Variants in ATP11C observed in about 807,000 individuals in gnomAD.
The protein encoded by ATP11C is phospholipid-transporting ATPase IG.
ATP11C carries 36 observed loss-of-function variants against 97.4 expected under a neutral mutation model. The ratio of observed to expected loss-of-function variants is 0.37; its 90% CI spans 0.28 to 0.49. The LOEUF (loss-of-function observed/expected upper bound fraction) is 0.49, where lower values mean the gene tolerates loss of function less well. Ranked by LOEUF, ATP11C falls within the 20% of genes least tolerant of loss-of-function variation. The pLI, the probability that ATP11C is intolerant of heterozygous loss-of-function variation, is 0.98. For missense variants in ATP11C, 730 were observed against 824.6 expected (o/e 0.89, Z 1.40); for synonymous variants, 275 against 290.9 (o/e 0.95, Z 0.56).
chrX:139,750,180 A>C, intron 23 of ATP11C, 28 bp from the exon 24 acceptor site: 1 of 1,145,661 alleles, frequency 8.7e-7, no homozygotes. Flanking sequence ...AGAGGAAAGA[A>C]AGAAATTTCA....
At chrX:139,931,593 C>G (rs944562257) in intron 1 of ATP11C, among the ~76,000 whole-genome samples, 1 of 112,324 alleles carries the variant, frequency 8.9e-6, no homozygotes, top group Non-Finnish European at 1.9e-5. Flanking sequence ...TTTGGGCCAC[C>G]GTGACAGGTC....
At chrX:139,878,868 G>A (rs867641379) in intron 1 of ATP11C, among the ~76,000 whole-genome samples, 6 of 109,470 alleles carry the variant, frequency 5.5e-5, no homozygotes, top group South Asian at 4.1e-4. Flanking sequence ...AGCGTGGTAC[G>A]GACAGAGACT....
chrX:139,753,964 T>C (rs1240033475), intron 23 of ATP11C, among the ~76,000 whole-genome samples: 2 of 109,096 alleles, frequency 1.8e-5, no homozygotes, highest in Non-Finnish European at 1.9e-5. Flanking sequence ...AAACAAGAAA[T>C]AACCCAAATC....
chrX:139,750,537 C>T (rs1204639626), intron 23 of ATP11C, among the ~76,000 whole-genome samples: 1 of 111,816 alleles, frequency 8.9e-6, no homozygotes, highest in Non-Finnish European at 1.9e-5. Context: ...CAGGCAGCAG[C>T]CAGCCTGTGT....
At chrX:139,844,212 G>C (rs933015925) in intron 1 of ATP11C, among the ~76,000 whole-genome samples, 4 of 111,893 alleles carry the variant, frequency 3.6e-5, no homozygotes, top group African/African-American at 1.3e-4. Context: ...CTTCATTCAA[G>C]ACTTCAATAA....
chrX:139,754,881 C>T (rs1248578729), intron 23 of ATP11C, among the ~76,000 whole-genome samples: 1 of 112,025 alleles, frequency 8.9e-6, no homozygotes. Flanking sequence ...CCATAGCCAA[C>T]ATCACACTTA....
intron 1 of ATP11C, among the ~76,000 whole-genome samples, chrX:139,853,939 AT>A (rs1325357708): frequency 2.7e-5 from 3 of 110,684 alleles, no homozygotes; most frequent in Admixed American, 1.9e-4. Flanking sequence ...ACGACGGATA[AT>A]TCCCTTAACG....
intron 28 of ATP11C, chrX:139,732,500 C>G (rs1428055320): frequency 2.7e-6 from 1 of 364,806 alleles, no homozygotes; most frequent in Non-Finnish European, 5.3e-6. Context: ...AGCAGATGTT[C>G]CTGAGGAAGG....
intron 1 of ATP11C, among the ~76,000 whole-genome samples, chrX:139,913,457 C>T (rs145627869): frequency 4.5e-5 from 5 of 111,725 alleles, no homozygotes; most frequent in Admixed American, 2.9e-4. Context: ...GCCTCTGAGC[C>T]CAAGCTAAGC....
chrX:139,883,458 C>T (rs1327256690), intron 1 of ATP11C, among the ~76,000 whole-genome samples: 1 of 111,417 alleles, frequency 9.0e-6, no homozygotes, highest in Admixed American at 9.7e-5. Flanking sequence ...TTGATCCTAA[C>T]TGTGGGACAA....
intron 1 of ATP11C, among the ~76,000 whole-genome samples, chrX:139,919,083 A>G (rs1227396156): frequency 1.8e-5 from 2 of 111,184 alleles, no homozygotes; most frequent in East Asian, 5.7e-4. Context: ...TCTAATAAAA[A>G]TATTTTTAAA....
rs186302274 is a variant in ATP11C, at chrX:139,849,164, G to A, written c.28-22341C>T. Among the ~76,000 whole-genome samples, 7 of 111,005 alleles carry A rather than the reference G, an allele frequency of 6.3e-5. No individual in the cohort carries two copies. The East Asian group carries it at 1.7e-3, about 27-fold the overall frequency. On this transcript the variant is annotated intron_variant, in intron 1 of 29. Transcript: ENST00000682941. ...CATCAGCTCTTTCCTTCCAGTTTGA[G>A]AAAGAATAAAGTATCTCTTCTCCCA...
chrX:139,731,969 T>A (rs2081351398), intron 28 of ATP11C, among the ~76,000 whole-genome samples: 1 of 111,769 alleles, frequency 8.9e-6, no homozygotes, highest in African/African-American at 3.2e-5. Context: ...ATTGTTTTTG[T>A]GGTAGAAGTA....
intron 1 of ATP11C, among the ~76,000 whole-genome samples, chrX:139,862,195 G>A (rs1304614688): frequency 9.0e-6 from 1 of 111,591 alleles, no homozygotes; most frequent in Admixed American, 9.5e-5. Flanking sequence ...ACCCAGGGAG[G>A]TCATGGAGAC....
At chrX:139,733,543 C>T (rs1354149581) in intron 28 of ATP11C, among the ~76,000 whole-genome samples, 1 of 112,051 alleles carries the variant, frequency 8.9e-6, no homozygotes, top group Non-Finnish European at 1.9e-5. Context: ...CTTGTTTTTA[C>T]CTTAAATGAA....
chrX:139,856,175 C>G (rs889635609), intron 1 of ATP11C, among the ~76,000 whole-genome samples: 2 of 112,430 alleles, frequency 1.8e-5, no homozygotes, highest in Admixed American at 9.3e-5. Context: ...GGTGGTCCTC[C>G]AGTCGACCAG....
At chrX:139,906,331 C>T (rs1280698253) in intron 1 of ATP11C, among the ~76,000 whole-genome samples, 3 of 107,763 alleles carry the variant, frequency 2.8e-5, no homozygotes, top group Admixed American at 1.0e-4. Context: ...GTGGGAGAAT[C>T]GCTTGAGCCC....
intron 1 of ATP11C, among the ~76,000 whole-genome samples, chrX:139,851,183 C>G (rs747764231): frequency 6.0e-4 from 67 of 111,536 alleles, no homozygotes; most frequent in African/African-American, 2.2e-3. Flanking sequence ...CTGGGGCATA[C>G]TCCACAGGCT....
chrX:139,906,799 AAACAAC>A (rs377680099), intron 1 of ATP11C, among the ~76,000 whole-genome samples: 1 of 109,467 alleles, frequency 9.1e-6, no homozygotes, highest in Non-Finnish European at 1.9e-5. Context: ...AAAACAAAAC[AAACAAC>A]AACAACAACA....
Sources: allele counts gnomAD v4.1 joint callset (sites outside exome capture counted in the v4.1 genomes callset), GRCh38; gene constraint gnomAD v4.1.1; transcripts MANE v1.5; gene names NCBI Gene and HGNC (gene_info 2026-07-23, HGNC 2026-07-21).